The following LRIF1 variants were observed in gnomAD, a reference collection of about 807,000 sequenced individuals.
LRIF1 encodes the protein ligand dependent nuclear receptor interacting factor 1.
Under a neutral mutation model 52.7 loss-of-function variants are expected in LRIF1, and 32 were observed. That is an observed-to-expected ratio of 0.61 (90% CI 0.46 to 0.82). The LOEUF (loss-of-function observed/expected upper bound fraction) is 0.82, where lower values mean the gene tolerates loss of function less well. Among genes scored for constraint, LRIF1 ranks in the 40% least tolerant of loss-of-function variants. LRIF1 has a pLI of 0.00. For synonymous variants in LRIF1, 323 were observed against 317.4 expected (o/e 1.02, Z -0.19); for missense variants, 887 against 892.0 (o/e 0.99, Z 0.07).
chr1:110,905,677 T>C, the LRIF1 span, among the ~76,000 whole-genome samples: 1 of 152,096 alleles, frequency 6.6e-6, no homozygotes, highest in South Asian at 2.1e-4. Flanking sequence ...TAATGAGCAA[T>C]AAGTAATCAT....
At chr1:110,961,959 A>T (rs536240548) in intron 1 of LRIF1, among the ~76,000 whole-genome samples, 4 of 152,052 alleles carry the variant, frequency 2.6e-5, no homozygotes, top group Non-Finnish European at 5.9e-5. Context: ...CAATGCATAA[A>T]TCAATGAGTT....
the LRIF1 span, among the ~76,000 whole-genome samples, chr1:110,887,307 G>A: frequency 7.9e-5 from 12 of 152,044 alleles, no homozygotes; most frequent in African/African-American, 1.2e-4. Flanking sequence ...CTTGTGATCC[G>A]CCCGCCTCGG....
the LRIF1 span, chr1:110,937,352 C>A: frequency 6.6e-6 from 1 of 151,812 alleles, no homozygotes; most frequent in Non-Finnish European, 1.5e-5. Context: ...TTAAAACATT[C>A]AAAAAAATTG....
the LRIF1 span, among the ~76,000 whole-genome samples, chr1:110,902,685 C>T: frequency 1.3e-5 from 2 of 152,068 alleles, no homozygotes; most frequent in South Asian, 2.1e-4. Flanking sequence ...AAAGTTATAA[C>T]AATGTGTTCC....
At chr1:110,886,869 A>ATATATATATTTTT in the LRIF1 span, among the ~76,000 whole-genome samples, 98 of 82,752 alleles carry the variant, frequency 1.2e-3, no homozygotes, top group African/African-American at 2.4e-3. Context: ...ATATATATAT[A>ATATATATATTTTT]TTTTTTTTTT....
At chr1:110,913,779 T>C in the LRIF1 span, among the ~76,000 whole-genome samples, 1 of 152,168 alleles carries the variant, frequency 6.6e-6, no homozygotes, top group Non-Finnish European at 1.5e-5. Flanking sequence ...GACCCAGCAA[T>C]CCTATTACTG....
chr1:110,900,504 A>G, the LRIF1 span, among the ~76,000 whole-genome samples: 1 of 152,088 alleles, frequency 6.6e-6, no homozygotes, highest in African/African-American at 2.4e-5. Flanking sequence ...CTGGGACCAC[A>G]GGTGTGTGCC....
the LRIF1 span, among the ~76,000 whole-genome samples, chr1:110,886,555 A>T: frequency 2.0e-5 from 3 of 152,036 alleles, no homozygotes; most frequent in Non-Finnish European, 4.4e-5. Context: ...CATTTAAAAC[A>T]TTTTATTTTC....
At chr1:110,933,602 G>C in the LRIF1 span, among the ~76,000 whole-genome samples, 8,732 of 152,180 alleles carry the variant, frequency 0.057, 288 homozygotes, top group East Asian at 0.13. Flanking sequence ...TGGAGAAAAC[G>C]AAACTCACCT....
At chr1:110,927,617 G>A in the LRIF1 span, among the ~76,000 whole-genome samples, 1 of 152,092 alleles carries the variant, frequency 6.6e-6, no homozygotes, top group Admixed American at 6.6e-5. Flanking sequence ...TTCAGATGTG[G>A]CCACTGCTTC....
chr1:110,895,117 G>A, the LRIF1 span: 1 of 1,210,132 alleles, frequency 8.3e-7, no homozygotes, highest in Non-Finnish European at 1.2e-6. Flanking sequence ...CTAAATCCTT[G>A]GGGGCTAGTT....
At chr1:110,879,108 C>T in the LRIF1 span, among the ~76,000 whole-genome samples, 4 of 151,924 alleles carry the variant, frequency 2.6e-5, no homozygotes, top group Admixed American at 1.3e-4. Flanking sequence ...ATTCTTGCCC[C>T]GTGTATGTTT....
At chr1:110,893,963 G>A in the LRIF1 span, among the ~76,000 whole-genome samples, 6 of 152,190 alleles carry the variant, frequency 3.9e-5, no homozygotes, top group Non-Finnish European at 7.3e-5. Flanking sequence ...CCCTGATCTT[G>A]TAGAAAGGAC....
At position 110,950,051 on chromosome 1, in the gene LRIF1, T is replaced by C; in HGVS notation, c.1669A>G (p.Arg557Gly). The change falls in exon 3 of 4, where the codon AGA becomes GGA. Residue 557 changes from arginine to glycine, a missense_variant. Transcript: ENST00000369763. ...GRNDKKDSQG[R>G]SNKALHLKSD... ...TTCAGATGTAATGCCTTATTACTTC[T>C]TCCTTGAGAATCTTTCTTGTCATTT... The C allele has an allele frequency of 6.2e-7, 1 of 1,614,088 alleles. No individual in the cohort carries two copies. The highest frequency in any genetic ancestry group is 8.5e-7 in the Non-Finnish European group (1 of 1,180,002).
At chr1:110,941,944 C>A in the LRIF1 span, 1 of 152,048 alleles carries the variant, frequency 6.6e-6, no homozygotes, top group East Asian at 1.9e-4. Context: ...CTTTCTATAT[C>A]CTTTCTTTCC....
At chr1:110,941,815 T>A in the LRIF1 span, 3 of 152,146 alleles carry the variant, frequency 2.0e-5, no homozygotes, top group African/African-American at 7.2e-5. Context: ...GAAATGTTAC[T>A]GTACTTCATC....
chr1:110,953,094 A>G (rs1468024187), intron 1 of LRIF1: 4 of 162,526 alleles, frequency 2.5e-5, no homozygotes, highest in East Asian at 3.2e-4. Flanking sequence ...ATAAAATTAT[A>G]CTACTAAAGT....
chr1:110,897,797 A>G, the LRIF1 span: 2 of 1,550,884 alleles, frequency 1.3e-6, no homozygotes, highest in Non-Finnish European at 1.8e-6. Context: ...TTGTAACTGA[A>G]ATGTCTTCTA....
chr1:110,907,138 T>C, the LRIF1 span, among the ~76,000 whole-genome samples: 1 of 152,134 alleles, frequency 6.6e-6, no homozygotes, highest in East Asian at 1.9e-4. Context: ...TAAGGTCGTG[T>C]CTTGAAAAAT....
Sources: allele counts gnomAD v4.1 joint callset (sites outside exome capture counted in the v4.1 genomes callset), GRCh38; gene constraint gnomAD v4.1.1; transcripts MANE v1.5; gene names NCBI Gene and HGNC (gene_info 2026-07-23, HGNC 2026-07-21).